MCTP2: variants seen among roughly 807,000 people sequenced by gnomAD.
MCTP2 encodes the protein multiple C2 and transmembrane domain containing 2.
MCTP2 carries 132 observed loss-of-function variants against 111.6 expected under a neutral mutation model. That is an observed-to-expected ratio of 1.18 (90% CI 1.03 to 1.37). The LOEUF is 1.37. MCTP2 is among the 40% of genes most tolerant of loss of function. MCTP2 has a pLI of 0.00. For synonymous variants in MCTP2, 395 were observed against 387.7 expected (o/e 1.02, Z -0.22); for missense variants, 1,183 against 1,067.9 (o/e 1.11, Z -1.50).
intron 19 of MCTP2, among the ~76,000 whole-genome samples, chr15:94,448,314 A>C (rs531761368): frequency 6.6e-6 from 1 of 152,138 alleles, no homozygotes; most frequent in African/African-American, 2.4e-5. Flanking sequence ...TCTGATTTCT[A>C]TTCTAAGGAT....
intron 19 of MCTP2, among the ~76,000 whole-genome samples, chr15:94,454,719 T>C (rs989045287): frequency 1.3e-5 from 2 of 152,236 alleles, no homozygotes; most frequent in African/African-American, 2.4e-5. Context: ...AGTGAATTTT[T>C]TTTTTAATGG....
At chr15:94,404,490 C>T (rs1457096016) in intron 17 of MCTP2, among the ~76,000 whole-genome samples, 5 of 151,738 alleles carry the variant, frequency 3.3e-5, no homozygotes, top group Admixed American at 1.3e-4. Context: ...TTAGTAGAGA[C>T]GGGGTTTCGT....
chr15:94,313,204 C>T (rs911194988), intron 2 of MCTP2, among the ~76,000 whole-genome samples: 2 of 152,144 alleles, frequency 1.3e-5, no homozygotes, highest in East Asian at 1.9e-4. Context: ...CCCATGTCCC[C>T]CCTCCACTCT....
At chr15:94,448,881 A>G (rs912011306) in intron 19 of MCTP2, among the ~76,000 whole-genome samples, 4 of 152,182 alleles carry the variant, frequency 2.6e-5, no homozygotes, top group African/African-American at 9.7e-5. Context: ...TCTCTACTAA[A>G]AATACAAAAA....
intron 8 of MCTP2, among the ~76,000 whole-genome samples, chr15:94,348,059 T>G (rs2078082194): frequency 1.3e-5 from 2 of 152,172 alleles, no homozygotes; most frequent in Non-Finnish European, 2.9e-5. Flanking sequence ...GCCTCTCTTT[T>G]GACCCTCTGT....
At chr15:94,464,250 A>AATATT (rs2085408952) in intron 20 of MCTP2, among the ~76,000 whole-genome samples, 1 of 44,250 alleles carries the variant, frequency 2.3e-5, no homozygotes, top group Admixed American at 2.2e-4. Context: ...ATATATATAT[A>AATATT]TATATATTAT....
At chr15:94,397,544 C>CTAAA (rs2081341857) in intron 14 of MCTP2, among the ~76,000 whole-genome samples, 1 of 152,164 alleles carries the variant, frequency 6.6e-6, no homozygotes, top group East Asian at 1.9e-4. Flanking sequence ...GTTTGGACAC[C>CTAAA]GTTTAGGAAG....
At chr15:94,431,503 G>A (rs746496575) in intron 17 of MCTP2, among the ~76,000 whole-genome samples, 6 of 152,120 alleles carry the variant, frequency 3.9e-5, no homozygotes, top group Non-Finnish European at 4.4e-5. Context: ...TAATCAGTTC[G>A]ATGCTGTTGA....
intron 12 of MCTP2, among the ~76,000 whole-genome samples, chr15:94,381,676 G>C (rs549119544): frequency 6.6e-6 from 1 of 152,340 alleles, no homozygotes; most frequent in Admixed American, 6.5e-5. Context: ...CTAATAGTCT[G>C]ACAAACGGTT....
At chr15:94,460,078 C>T (rs1344505610) in intron 20 of MCTP2, among the ~76,000 whole-genome samples, 1 of 152,172 alleles carries the variant, frequency 6.6e-6, no homozygotes, top group Non-Finnish European at 1.5e-5. Context: ...AATGTCATTA[C>T]CCTCAAGAAA....
chr15:94,398,073 G>T (rs1035224581), intron 14 of MCTP2, among the ~76,000 whole-genome samples: 14 of 152,164 alleles, frequency 9.2e-5, no homozygotes, highest in African/African-American at 3.4e-4. Flanking sequence ...GTTTTACTTA[G>T]ATAACTTATA....
At chr15:94,268,908 A>C (rs12439652) in intron 1 of MCTP2, among the ~76,000 whole-genome samples, 36 of 151,990 alleles carry the variant, frequency 2.4e-4, no homozygotes, top group African/African-American at 8.5e-4. Flanking sequence ...CATGTTTGCC[A>C]GATTTCCACT....
chr15:94,257,050 C>A (rs1176875346), intron 1 of MCTP2, among the ~76,000 whole-genome samples: 1 of 152,176 alleles, frequency 6.6e-6, no homozygotes, highest in Non-Finnish European at 1.5e-5. Flanking sequence ...CTGACATCAT[C>A]TTATTCTGTC....
intron 20 of MCTP2, among the ~76,000 whole-genome samples, chr15:94,469,800 G>A (rs1045807012): frequency 6.6e-6 from 1 of 152,014 alleles, no homozygotes; most frequent in Non-Finnish European, 1.5e-5. Flanking sequence ...TGAGCCTGGG[G>A]GGTCGAGGCT....
chr15:94,320,352 A>G (rs2076576217), intron 4 of MCTP2, among the ~76,000 whole-genome samples: 1 of 152,098 alleles, frequency 6.6e-6, no homozygotes, highest in Non-Finnish European at 1.5e-5. Flanking sequence ...CGTGTTAGCC[A>G]GGATGGTCTC....
intron 14 of MCTP2, among the ~76,000 whole-genome samples, chr15:94,394,735 A>C (rs1295557247): frequency 2.0e-5 from 3 of 152,186 alleles, no homozygotes; most frequent in Non-Finnish European, 4.4e-5. Flanking sequence ...ACTGCACTCC[A>C]GCCTGGGCGA....
chr15:94,338,825 C>G (rs1468993246), intron 4 of MCTP2, among the ~76,000 whole-genome samples: 1 of 152,172 alleles, frequency 6.6e-6, no homozygotes, highest in Non-Finnish European at 1.5e-5. Context: ...ATCTTTTGAG[C>G]CAGTGATTCC....
chr15:94,271,228 A>C (rs2073891993), intron 1 of MCTP2, among the ~76,000 whole-genome samples: 1 of 152,148 alleles, frequency 6.6e-6, no homozygotes. Context: ...TCCCCATCTA[A>C]ACAATTTTGA....
intron 8 of MCTP2, among the ~76,000 whole-genome samples, chr15:94,352,250 C>T (rs1230281864): frequency 1.3e-5 from 2 of 152,200 alleles, no homozygotes; most frequent in Admixed American, 1.3e-4. Flanking sequence ...CTTCCTGCCT[C>T]GGGATGGTCT....
Sources: gnomAD v4.1 joint callset for allele counts (sites outside exome capture counted in the v4.1 genomes callset) on GRCh38, gnomAD v4.1.1 for gene constraint, MANE v1.5 for transcripts, NCBI Gene and HGNC (gene_info 2026-07-23, HGNC 2026-07-21) for gene names.